Variants in BRD10 observed in about 807,000 individuals in gnomAD.
BRD10 encodes the protein uncharacterized bromodomain-containing protein 10.
the BRD10 span, chr9:5,908,886 A>C: frequency 1.7e-6 from 1 of 574,982 alleles, no homozygotes; most frequent in Non-Finnish European, 3.1e-6. Flanking sequence ...CATGTGAGGA[A>C]ATGATGAGAA....
chr9:5,978,708 A>G, the BRD10 span, among the ~76,000 whole-genome samples: 2 of 152,110 alleles, frequency 1.3e-5, no homozygotes, highest in African/African-American at 4.8e-5. Context: ...GCCCAACCAC[A>G]CTTAGAAGGT....
chr9:5,909,972 T>G, the BRD10 span: 3 of 152,224 alleles, frequency 2.0e-5, no homozygotes, highest in Non-Finnish European at 4.4e-5. Context: ...CCATCCTGAG[T>G]GGAAAACCAG....
chr9:5,935,807 G>A, the BRD10 span, among the ~76,000 whole-genome samples: 3 of 152,140 alleles, frequency 2.0e-5, no homozygotes, highest in Non-Finnish European at 2.9e-5. Context: ...GCCTAACTCT[G>A]ACAGAAAAGG....
chr9:5,922,920 G>T, the BRD10 span: 2 of 1,613,880 alleles, frequency 1.2e-6, no homozygotes, highest in African/African-American at 2.7e-5. Context: ...CCTGTGGAAG[G>T]AGGCAGTTGA....
chr9:5,904,130 A>G, the BRD10 span, among the ~76,000 whole-genome samples: 1 of 152,074 alleles, frequency 6.6e-6, no homozygotes, highest in Admixed American at 6.5e-5. Flanking sequence ...AGTGCTTGGG[A>G]TTACAGGTGT....
chr9:5,984,093 T>C, the BRD10 span, among the ~76,000 whole-genome samples: 1 of 151,618 alleles, frequency 6.6e-6, no homozygotes, highest in East Asian at 1.9e-4. Context: ...CAGACCTATA[T>C]TACAAGAAAT....
the BRD10 span, among the ~76,000 whole-genome samples, chr9:5,966,813 A>G: frequency 6.6e-6 from 1 of 152,164 alleles, no homozygotes; most frequent in African/African-American, 2.4e-5. Flanking sequence ...AATTTATAAA[A>G]AACAAATGGA....
chr9:5,892,131 T>C, the BRD10 span, among the ~76,000 whole-genome samples: 9 of 152,244 alleles, frequency 5.9e-5, no homozygotes, highest in Admixed American at 5.2e-4. Flanking sequence ...AAGTTTATGG[T>C]GCAGAGTCAA....
chr9:5,998,422 A>T, the BRD10 span, among the ~76,000 whole-genome samples: 2 of 152,112 alleles, frequency 1.3e-5, no homozygotes, highest in African/African-American at 4.8e-5. Context: ...TTAATAATCT[A>T]TATTGCAAAT....
At chr9:5,932,323 T>A in the BRD10 span, among the ~76,000 whole-genome samples, 4 of 151,988 alleles carry the variant, frequency 2.6e-5, no homozygotes, top group Non-Finnish European at 4.4e-5. Context: ...GAAAGGAAAC[T>A]AAAAGGGCAT....
At chr9:5,908,872 T>G in the BRD10 span, 1 of 604,638 alleles carries the variant, frequency 1.7e-6, no homozygotes, top group Non-Finnish European at 2.9e-6. Context: ...CTAGCAGTAC[T>G]AATCATGTGA....
the BRD10 span, among the ~76,000 whole-genome samples, chr9:5,963,415 C>G: frequency 7.2e-6 from 1 of 138,006 alleles, no homozygotes; most frequent in East Asian, 2.0e-4. Context: ...AGGATACAAA[C>G]AAATGGAAGA....
At chr9:5,991,163 GTT>G in the BRD10 span, among the ~76,000 whole-genome samples, 2 of 80,022 alleles carry the variant, frequency 2.5e-5, no homozygotes, top group Non-Finnish European at 6.3e-5. Flanking sequence ...GTGCATGTGT[GTT>G]TTGTGTGTGT....
the BRD10 span, among the ~76,000 whole-genome samples, chr9:5,957,567 T>G: frequency 6.6e-6 from 1 of 152,158 alleles, no homozygotes; most frequent in Non-Finnish European, 1.5e-5. Flanking sequence ...AAATTAGGTC[T>G]GTCTCACTTC....
chr9:5,906,812 G>T, the BRD10 span: 8 of 955,752 alleles, frequency 8.4e-6, no homozygotes, highest in Non-Finnish European at 1.2e-5. Flanking sequence ...TAAAACTTTG[G>T]CTTCCTTCTC....
the BRD10 span, among the ~76,000 whole-genome samples, chr9:5,984,477 C>T: frequency 6.6e-6 from 1 of 151,968 alleles, no homozygotes. Context: ...TAGGCCAACA[C>T]TGGAGATAAA....
the BRD10 span, among the ~76,000 whole-genome samples, chr9:5,938,958 A>G: frequency 3.3e-5 from 5 of 152,196 alleles, no homozygotes; most frequent in African/African-American, 1.2e-4. Context: ...AAATCTCCTT[A>G]TACTGTAGTA....
the BRD10 span, among the ~76,000 whole-genome samples, chr9:5,886,371 G>C: frequency 1.3e-5 from 2 of 152,254 alleles, no homozygotes; most frequent in African/African-American, 4.8e-5. Context: ...GGGCTGAGCT[G>C]CCTCACAGTA....
the BRD10 span, among the ~76,000 whole-genome samples, chr9:5,949,242 T>C: frequency 2.0e-5 from 3 of 152,030 alleles, no homozygotes; most frequent in Non-Finnish European, 4.4e-5. Flanking sequence ...TGACCTAAGA[T>C]GACACACTGA....
Sources: allele counts gnomAD v4.1 joint callset (sites outside exome capture counted in the v4.1 genomes callset), GRCh38; gene constraint gnomAD v4.1.1; transcripts MANE v1.5; gene names NCBI Gene and HGNC (gene_info 2026-07-23, HGNC 2026-07-21).